Variants in SRGAP3 observed in about 807,000 individuals in gnomAD.
The protein encoded by SRGAP3 is SLIT-ROBO Rho GTPase activating protein 3, also known as SLIT-ROBO Rho GTPase-activating protein 3.
SRGAP3 carries 39 observed loss-of-function variants against 121.1 expected under a neutral mutation model. That is an observed-to-expected ratio of 0.32 (90% CI 0.25 to 0.42). The LOEUF (loss-of-function observed/expected upper bound fraction) is 0.42. Ranked by LOEUF, SRGAP3 falls within the 10% of genes least tolerant of loss-of-function variation. The pLI is 1.00. For missense variants in SRGAP3, 1,213 were observed against 1,470.6 expected, an observed-to-expected ratio of 0.82 and a Z score of 2.86; for synonymous variants, 601 against 570.0, an observed-to-expected ratio of 1.05 and a Z score of -0.77.
Position 8,981,420 on chromosome 3 carries a change from A to G in SRGAP3, c.*4099T>C. The G allele has an allele frequency of 4.3e-6, 1 of 232,630 alleles. No individual in the cohort carries two copies. The highest frequency in any genetic ancestry group is 8.5e-6 in the Non-Finnish European group (1 of 117,660). 14.4% of individuals were successfully genotyped at this position (232,630 alleles called of 1,614,324 possible). A position where few individuals can be genotyped will look rare whatever the true frequency, so the allele number is the denominator to read the frequency against. On this transcript the variant is annotated 3_prime_UTR_variant, in exon 22 of 22. Coordinates refer to ENST00000383836, the MANE Select transcript of SRGAP3 (RefSeq NM_014850.4). ...TCTGGGTTTCTCAGGAGAGTGAGGC[A>G]TTTGCACTAGTGTGGAACCATCTGG...
At chr3:9,064,194 C>T (rs1022081600) in intron 5 of SRGAP3, among the ~76,000 whole-genome samples, 3 of 152,344 alleles carry the variant, frequency 2.0e-5, no homozygotes, top group South Asian at 2.1e-4. Context: ...AGTGTTAGCA[C>T]GGGCATGCCT....
intron 3 of SRGAP3, among the ~76,000 whole-genome samples, chr3:9,321,339 T>C (rs1432586877): frequency 6.6e-6 from 1 of 151,892 alleles, no homozygotes; most frequent in African/African-American, 2.4e-5. Context: ...TCATGAGTGA[T>C]CATAAGTGAT....
At chr3:9,349,226 C>T (rs1460078893) in intron 1 of SRGAP3, 1 of 634,806 alleles carries the variant, frequency 1.6e-6, no homozygotes, top group Non-Finnish European at 3.0e-6. Flanking sequence ...CCCAGGAGCA[C>T]CCTCCCTGCC....
rs768436049 is a variant in SRGAP3, at chr3:9,124,749, C to T, written c.236G>A (p.Arg79His). 5 of 1,614,110 alleles carry T rather than the reference C, an allele frequency of 3.1e-6. No homozygotes were observed. Among genetic ancestry groups the T allele is most frequent in the Non-Finnish European group, 3.4e-6 (4 of 1,180,056 alleles). The change falls in exon 2 of 22, where the codon CGC becomes CAC. Residue 79 changes from arginine to histidine, a missense_variant. Transcript: ENST00000383836. ...KLAERFSSKI[R>H]SSREHQFKKD... ...CTTGAACTGGTGCTCCCGGGAGCTGCGGATTTTGGAGGAGAAGCGCTCAGC... is the reference window on the plus strand; with the variant it reads ...CTTGAACTGGTGCTCCCGGGAGCTGTGGATTTTGGAGGAGAAGCGCTCAGC...
chr3:9,327,783 C>T (rs1955543665), intron 2 of SRGAP3, among the ~76,000 whole-genome samples: 1 of 152,200 alleles, frequency 6.6e-6, no homozygotes, highest in African/African-American at 2.4e-5. Context: ...GGCATAAATT[C>T]CATTTCATAA....
rs189413579 is a variant in SRGAP3 at position 8,980,957 on chromosome 3, G to A, written c.*4562C>T. The A allele has an allele frequency of 1.8e-3, 429 of 233,384 alleles. 14 individuals are homozygous for A. Among genetic ancestry groups the A allele is most frequent in the Non-Finnish European group, 1.4e-4 (16 of 117,854 alleles). The allele number at this position is 233,384 out of a possible 1,614,324, so 14.5% of individuals were successfully genotyped here. ...GAAACCCTAGCCAGGATCTACTTCCGTCTAAGGAAGGAAAAGTGCACTCTG... is the reference window on the plus strand; with the variant it reads ...GAAACCCTAGCCAGGATCTACTTCCATCTAAGGAAGGAAAAGTGCACTCTG... On this transcript the variant is annotated 3_prime_UTR_variant, in exon 22 of 22. Transcript: ENST00000383836.
At chr3:9,313,876 C>A (rs980989336) in intron 3 of SRGAP3, among the ~76,000 whole-genome samples, 3 of 151,978 alleles carry the variant, frequency 2.0e-5, no homozygotes, top group African/African-American at 7.2e-5. Flanking sequence ...CGCCTGCAGT[C>A]CCAGCTACTT....
At chr3:9,147,856 G>C (rs1177544681) in intron 1 of SRGAP3, among the ~76,000 whole-genome samples, 1 of 152,142 alleles carries the variant, frequency 6.6e-6, no homozygotes, top group African/African-American at 2.4e-5. Flanking sequence ...GGGCAGGCCA[G>C]GGTCCACCAG....
intron 1 of SRGAP3, among the ~76,000 whole-genome samples, chr3:9,216,016 G>GCATATA (rs1952605290): frequency 6.6e-6 from 1 of 152,042 alleles, no homozygotes; most frequent in South Asian, 2.1e-4. Context: ...AGATAGATAG[G>GCATATA]CATATACACA....
chr3:9,286,660 T>A (rs1449663354), intron 3 of SRGAP3, among the ~76,000 whole-genome samples: 5 of 151,938 alleles, frequency 3.3e-5, no homozygotes, highest in Non-Finnish European at 4.4e-5. Flanking sequence ...TGGAGTGCAG[T>A]GGCGCGATCT....
chr3:9,254,284 A>T (rs1290377379), upstream of SRGAP3, among the ~76,000 whole-genome samples: 1 of 152,222 alleles, frequency 6.6e-6, no homozygotes, highest in Non-Finnish European at 1.5e-5. Flanking sequence ...ATGAAGTACC[A>T]ATACATGCTA....
chr3:9,021,895 G>A (rs908190233), intron 14 of SRGAP3, among the ~76,000 whole-genome samples: 1 of 151,978 alleles, frequency 6.6e-6, no homozygotes, highest in Admixed American at 6.6e-5. Flanking sequence ...GTTCAATGGC[G>A]AAAGCCCATC....
At chr3:9,240,574 A>G (rs1200744083) in intron 1 of SRGAP3, among the ~76,000 whole-genome samples, 2 of 152,166 alleles carry the variant, frequency 1.3e-5, no homozygotes, top group African/African-American at 4.8e-5. Context: ...AGTAATATGT[A>G]TTGATCACCA....
intron 3 of SRGAP3, among the ~76,000 whole-genome samples, chr3:9,271,020 C>T (rs999619295): frequency 6.6e-6 from 1 of 152,174 alleles, no homozygotes; most frequent in African/African-American, 2.4e-5. Context: ...CTAAGGCTCA[C>T]ACTCCCTCAA....
intron 3 of SRGAP3, among the ~76,000 whole-genome samples, chr3:9,263,258 G>T (rs1176975111): frequency 1.3e-5 from 2 of 152,258 alleles, no homozygotes; most frequent in East Asian, 3.9e-4. Context: ...GCCCTCAGAA[G>T]AAAGCAGGAA....
At chr3:9,064,631 G>C (rs201952340) in intron 4 of SRGAP3, 50 bp from the exon 5 acceptor site, 14 of 1,607,820 alleles carry the variant, frequency 8.7e-6, no homozygotes, top group Non-Finnish European at 1.2e-5. Flanking sequence ...GGCCCAGCAC[G>C]GCCCTCCCTG....
At chr3:9,060,426 TC>T in intron 5 of SRGAP3, 67 bp from the exon 6 acceptor site, 1 of 1,502,166 alleles carries the variant, frequency 6.7e-7, no homozygotes, top group East Asian at 2.3e-5. Context: ...GATTTTCTAT[TC>T]CTTTTTTTTT....
At chr3:9,351,483 C>T (rs2030150065) in intron 1 of SRGAP3, among the ~76,000 whole-genome samples, 1 of 152,008 alleles carries the variant, frequency 6.6e-6, no homozygotes, top group Non-Finnish European at 1.5e-5. Context: ...AATAAGGGAT[C>T]CCAATTCACA....
chr3:9,227,934 T>C (rs1400333111), intron 1 of SRGAP3, among the ~76,000 whole-genome samples: 2 of 152,150 alleles, frequency 1.3e-5, no homozygotes, highest in African/African-American at 4.8e-5. Context: ...GGAGTCTCCA[T>C]GGTGAAGTTT....
Sources: allele counts gnomAD v4.1 joint callset (sites outside exome capture counted in the v4.1 genomes callset), GRCh38; gene constraint gnomAD v4.1.1; transcripts MANE v1.5; gene names NCBI Gene and HGNC (gene_info 2026-07-23, HGNC 2026-07-21).